Variants in CAMK1D observed in about 807,000 individuals in gnomAD.
The protein encoded by CAMK1D is calcium/calmodulin dependent protein kinase ID.
In CAMK1D, 9 loss-of-function variants were observed where a neutral mutation model predicts 47.7. The ratio of observed to expected loss-of-function variants is 0.19; its 90% CI spans 0.11 to 0.33. The LOEUF (loss-of-function observed/expected upper bound fraction) is 0.33, where lower values mean the gene tolerates loss of function less well. Among genes scored for constraint, CAMK1D ranks in the 10% least tolerant of loss-of-function variants. CAMK1D has a pLI of 1.00. For synonymous variants in CAMK1D, 184 were observed against 184.9 expected (o/e 0.99, Z 0.04); for missense variants, 291 against 488.7 (o/e 0.60, Z 3.81).
chr10:12,578,555 A>G (rs1837563952), intron 2 of CAMK1D, among the ~76,000 whole-genome samples: 1 of 107,248 alleles, frequency 9.3e-6, no homozygotes, highest in South Asian at 3.0e-4. Context: ...GGGCAACAAG[A>G]GCTAAACTCC....
chr10:12,473,050 A>G (rs1369053107), intron 1 of CAMK1D, among the ~76,000 whole-genome samples: 1 of 152,150 alleles, frequency 6.6e-6, no homozygotes, highest in Non-Finnish European at 1.5e-5. Flanking sequence ...GGAAAGCTGT[A>G]GATGGTAAAC....
At chr10:12,394,489 A>C (rs1380021085) in intron 1 of CAMK1D, among the ~76,000 whole-genome samples, 1 of 152,128 alleles carries the variant, frequency 6.6e-6, no homozygotes, top group African/African-American at 2.4e-5. Flanking sequence ...GAGTCACCGC[A>C]TTGGCATAAA....
chr10:12,730,603 T>A (rs1834843596), intron 3 of CAMK1D, among the ~76,000 whole-genome samples: 2 of 152,160 alleles, frequency 1.3e-5, no homozygotes, highest in African/African-American at 4.8e-5. Context: ...AGGGAAGGGC[T>A]ACAGACTGAG....
intron 2 of CAMK1D, among the ~76,000 whole-genome samples, chr10:12,633,351 A>C (rs950048769): frequency 6.6e-6 from 1 of 152,170 alleles, no homozygotes; most frequent in African/African-American, 2.4e-5. Context: ...TGGTGAGGCA[A>C]CAGTGCTCCT....
chr10:12,770,422 C>G (rs1184368933), intron 5 of CAMK1D, among the ~76,000 whole-genome samples: 3 of 142,042 alleles, frequency 2.1e-5, no homozygotes, highest in Admixed American at 6.9e-5. Flanking sequence ...CCTGGAGAAA[C>G]ACCATTAGAA....
chr10:12,437,395 A>G (rs572885696), intron 1 of CAMK1D, among the ~76,000 whole-genome samples: 80 of 152,230 alleles, frequency 5.3e-4, no homozygotes, highest in South Asian at 1.9e-3. Context: ...GGGTTTCACC[A>G]TGTTGACCAG....
chr10:12,773,348 A>G (rs1340135012), intron 5 of CAMK1D, among the ~76,000 whole-genome samples: 2 of 152,190 alleles, frequency 1.3e-5, no homozygotes, highest in Non-Finnish European at 2.9e-5. Flanking sequence ...AGATACTAGC[A>G]TCCTCAGATG....
chr10:12,418,144 G>T (rs546802127), intron 1 of CAMK1D, among the ~76,000 whole-genome samples: 1 of 152,242 alleles, frequency 6.6e-6, no homozygotes, highest in South Asian at 2.1e-4. Flanking sequence ...AGATGATGCA[G>T]TAAGCAAGAA....
intron 1 of CAMK1D, among the ~76,000 whole-genome samples, chr10:12,485,862 T>C (rs929007330): frequency 2.0e-5 from 3 of 152,164 alleles, no homozygotes; most frequent in African/African-American, 7.2e-5. Flanking sequence ...CTGTCTCTTG[T>C]AGCAGCGCTG....
Position 12,810,367 on chromosome 10 carries a change from C to T in CAMK1D, c.642-3828C>T, listed in dbSNP as rs1001014122. ...TCAGCTCACTGCAACCTCCGCCTCC[C>T]GGGTTCAAGCAATTCTCCTGCCTAA... On this transcript the variant is annotated intron_variant, in intron 6 of 10. Coordinates refer to ENST00000619168, the MANE Select transcript of CAMK1D (RefSeq NM_153498.4). 4.0e-5 allele frequency among the ~76,000 whole-genome samples: 6 copies of T among 151,344 alleles called. No homozygotes were observed. The South Asian group carries it at 8.4e-4, about 21-fold the overall frequency.
At position 12,833,392 on chromosome 10, in the gene CAMK1D, C is replaced by A. The variant is rs1833451484; in HGVS notation, c.*4505C>A. The A allele has an allele frequency of 6.6e-6, 1 of 152,254 alleles. No individual in the cohort carries two copies. The highest frequency in any genetic ancestry group is 2.4e-5 in the African/African-American group (1 of 41,470). 9.4% of individuals were successfully genotyped at this position (152,254 alleles called of 1,614,324 possible). A position where few individuals can be genotyped will look rare whatever the true frequency, so the allele number is the denominator to read the frequency against. ...TGGAATGACAGCTTAACCTGATTAA[C>A]CCACTGGGGCTTGCTATTTTATGAG... is the stretch of plus-strand genomic sequence containing the variant. On this transcript the variant is annotated 3_prime_UTR_variant, in exon 11 of 11. Transcript: ENST00000619168.
At chr10:12,566,768 TTGGTA>T (rs1242193332) in intron 2 of CAMK1D, among the ~76,000 whole-genome samples, 2 of 152,220 alleles carry the variant, frequency 1.3e-5, no homozygotes, top group Non-Finnish European at 2.9e-5. Flanking sequence ...GCAGAGGTCC[TTGGTA>T]TGTTGCACAG....
Position 12,694,134 on chromosome 10 carries a change from A to T in CAMK1D, c.299+27324A>T, listed in dbSNP as rs1055205543. Among the ~76,000 whole-genome samples, 87 of 20,036 alleles carry T rather than the reference A, an allele frequency of 4.3e-3. 13 individuals carry two copies. The highest frequency in any genetic ancestry group is 0.014 in the African/African-American group (86 of 5,968). 13.1% of individuals were successfully genotyped at this position (20,036 alleles called of 152,430 possible). On this transcript the variant is annotated intron_variant, in intron 3 of 10. Coordinates refer to ENST00000619168, the MANE Select transcript of CAMK1D (RefSeq NM_153498.4). The stretch of plus-strand genomic sequence containing the variant: ...ATATATATTATGCATAATATATATT[A>T]TATATAATATAATATATAATATATA...
intron 1 of CAMK1D, among the ~76,000 whole-genome samples, chr10:12,388,713 A>C (rs2131886088): frequency 6.6e-6 from 1 of 152,296 alleles, no homozygotes; most frequent in South Asian, 2.1e-4. Flanking sequence ...GCGGGGCTCA[A>C]AGACAGCTCC....
At chr10:12,545,826 A>G (rs1274458896) in intron 1 of CAMK1D, among the ~76,000 whole-genome samples, 1 of 151,434 alleles carries the variant, frequency 6.6e-6, no homozygotes, top group African/African-American at 2.4e-5. Context: ...AAGACATGGA[A>G]TTTTGCCAAG....
chr10:12,366,670 GA>G (rs1397467736), intron 1 of CAMK1D, among the ~76,000 whole-genome samples: 5 of 151,458 alleles, frequency 3.3e-5, no homozygotes, highest in African/African-American at 7.3e-5. Flanking sequence ...AAAAAAAAAA[GA>G]AGAGTCAATC....
intron 2 of CAMK1D, among the ~76,000 whole-genome samples, chr10:12,662,779 C>T (rs1840312768): frequency 6.6e-6 from 1 of 152,130 alleles, no homozygotes; most frequent in Non-Finnish European, 1.5e-5. Flanking sequence ...ACTGGGGTGA[C>T]AGTAGTGAAA....
chr10:12,734,391 GATAT>G (rs1232057007), intron 3 of CAMK1D, among the ~76,000 whole-genome samples: 1 of 24,340 alleles, frequency 4.1e-5, no homozygotes, highest in African/African-American at 1.5e-4. Flanking sequence ...TATAGATATA[GATAT>G]ATATATATAT....
chr10:12,712,181 A>C (rs1833963333), intron 3 of CAMK1D, among the ~76,000 whole-genome samples: 1 of 152,176 alleles, frequency 6.6e-6, no homozygotes, highest in African/African-American at 2.4e-5. Flanking sequence ...GGGCCACCCT[A>C]AGGGAAGCTC....
Sources: gnomAD v4.1 joint callset for allele counts (sites outside exome capture counted in the v4.1 genomes callset) on GRCh38, gnomAD v4.1.1 for gene constraint, MANE v1.5 for transcripts, NCBI Gene and HGNC (gene_info 2026-07-23, HGNC 2026-07-21) for gene names.